Variants in LTBP1 observed in about 807,000 individuals in gnomAD.
LTBP1 encodes latent transforming growth factor beta binding protein 1, also known as latent-transforming growth factor beta-binding protein 1.
Under a neutral mutation model 207.6 loss-of-function variants are expected in LTBP1, and 129 were observed. That is an observed-to-expected ratio of 0.62 (90% CI 0.54 to 0.72). The LOEUF (loss-of-function observed/expected upper bound fraction) is 0.72, where lower values mean the gene tolerates loss of function less well. Among genes scored for constraint, LTBP1 ranks in the 30% least tolerant of loss-of-function variants. The pLI is 0.00. For synonymous variants in LTBP1, 963 were observed against 833.7 expected (o/e 1.16, Z -2.67); for missense variants, 2,281 against 2,217.2 (o/e 1.03, Z -0.58).
intron 4 of LTBP1, among the ~76,000 whole-genome samples, chr2:33,113,415 G>A (rs1020157612): frequency 6.6e-6 from 1 of 152,136 alleles, no homozygotes; most frequent in African/African-American, 2.4e-5. Context: ...TGGAGGTGAT[G>A]GATTTAGTAG....
intron 18 of LTBP1, among the ~76,000 whole-genome samples, chr2:33,277,756 T>TTCCC: frequency 7.0e-6 from 1 of 142,480 alleles, no homozygotes; most frequent in Non-Finnish European, 1.6e-5. Context: ...CTGATTTTTT[T>TTCCC]TTCCCTTTCT....
chr2:33,299,338 G>A (rs1280907996), intron 20 of LTBP1, among the ~76,000 whole-genome samples: 1 of 151,970 alleles, frequency 6.6e-6, no homozygotes, highest in Non-Finnish European at 1.5e-5. Flanking sequence ...TTTCCTGGCA[G>A]ACACTTTTAG....
chr2:33,263,037 G>T (rs968573506), intron 14 of LTBP1, among the ~76,000 whole-genome samples: 11 of 151,534 alleles, frequency 7.3e-5, no homozygotes, highest in Non-Finnish European at 1.3e-4. Flanking sequence ...TGTTTTCTGT[G>T]ATCAGGAGTA....
intron 3 of LTBP1, among the ~76,000 whole-genome samples, chr2:33,060,482 A>G (rs1424041738): frequency 6.6e-6 from 1 of 150,588 alleles, no homozygotes; most frequent in Non-Finnish European, 1.5e-5. Flanking sequence ...TTAGGTTTGT[A>G]TCTTAATTTG....
intron 7 of LTBP1, among the ~76,000 whole-genome samples, chr2:33,213,703 T>G (rs1457096569): frequency 1.3e-5 from 2 of 152,234 alleles, no homozygotes; most frequent in Non-Finnish European, 2.9e-5. Flanking sequence ...TCGAAGCCTC[T>G]TCATAGTTAA....
chr2:33,181,652 A>T (rs917748386), intron 5 of LTBP1, among the ~76,000 whole-genome samples: 3 of 152,258 alleles, frequency 2.0e-5, no homozygotes, highest in Non-Finnish European at 4.4e-5. Flanking sequence ...CAAAGTATCA[A>T]GCTAACAAGG....
intron 13 of LTBP1, among the ~76,000 whole-genome samples, chr2:33,261,001 C>G (rs990361658): frequency 1.3e-5 from 2 of 152,058 alleles, no homozygotes; most frequent in African/African-American, 4.8e-5. Context: ...AAAAAAGTCT[C>G]ATGATGTTAT....
chr2:33,397,087 AG>A, intron 32 of LTBP1, 45 bp from the exon 33 acceptor site: 1 of 1,576,600 alleles, frequency 6.3e-7, no homozygotes, highest in Non-Finnish European at 8.7e-7. Flanking sequence ...AAAATGATAT[AG>A]GAAGTTGAGA....
rs1283001365 is a variant in LTBP1 at position 32,947,302 on chromosome 2, G to A, written c.-23G>A. ...GGAGGGGGCCGGACCGCGCGCGACC[G>A]GTCGCGCCCGCTGGGGCCCGCGATG... On this transcript the variant is annotated 5_prime_UTR_variant, in exon 1 of 34. Coordinates refer to ENST00000404816, the MANE Select transcript of LTBP1 (RefSeq NM_206943.4). 5.0e-6 allele frequency: 6 copies of A among 1,210,178 alleles called. No homozygotes were observed. Among genetic ancestry groups the A allele is most frequent in the Non-Finnish European group, 5.1e-6 (5 of 973,496 alleles). 75.0% of individuals were successfully genotyped at this position (1,210,178 alleles called of 1,614,324 possible).
chr2:32,984,242 A>T (rs921941044), intron 2 of LTBP1, among the ~76,000 whole-genome samples: 4 of 152,204 alleles, frequency 2.6e-5, no homozygotes, highest in African/African-American at 9.7e-5. Context: ...GCTAGTGATC[A>T]TCTCATTCGA....
At chr2:33,090,613 T>A (rs935923569) in intron 3 of LTBP1, among the ~76,000 whole-genome samples, 1 of 152,170 alleles carries the variant, frequency 6.6e-6, no homozygotes, top group African/African-American at 2.4e-5. Flanking sequence ...TTGGAAAGTT[T>A]AAGTGATTTG....
chr2:33,276,033 C>A, intron 18 of LTBP1, 110 bp downstream of exon 18: 2 of 1,350,140 alleles, frequency 1.5e-6, no homozygotes, highest in Non-Finnish European at 2.0e-6. Flanking sequence ...ACCAGTTTAT[C>A]CAAGCTCTTT....
In LTBP1 at chr2:33,324,836, G is replaced by C. The variant is rs527756152; in HGVS notation, c.3730+9567G>C. ...CCTGCCTCACCCTCCTGAGTAGCTGGGACTACAGGCATGTGCCACCACACC... is the reference window on the plus strand; with the variant it reads ...CCTGCCTCACCCTCCTGAGTAGCTGCGACTACAGGCATGTGCCACCACACC... On this transcript the variant is annotated intron_variant, in intron 24 of 33. Coordinates refer to ENST00000404816, the MANE Select transcript of LTBP1 (RefSeq NM_206943.4). 6.6e-5 allele frequency among the ~76,000 whole-genome samples: 10 copies of C among 151,442 alleles called. No homozygotes were observed. In the South Asian group the frequency reaches 2.1e-3, roughly 32 times the overall value.
At chr2:33,156,606 A>T (rs774683902) in intron 5 of LTBP1, among the ~76,000 whole-genome samples, 1 of 152,212 alleles carries the variant, frequency 6.6e-6, no homozygotes, top group Non-Finnish European at 1.5e-5. Flanking sequence ...ATGTCCATAT[A>T]TAAGTATTAT....
At chr2:33,289,405 G>T (rs2093730191) in intron 19 of LTBP1, among the ~76,000 whole-genome samples, 1 of 151,982 alleles carries the variant, frequency 6.6e-6, no homozygotes, top group Non-Finnish European at 1.5e-5. Context: ...TCTTGTCCAG[G>T]CTGGAGTACA....
chr2:33,090,643 G>T (rs1050894073), intron 3 of LTBP1, among the ~76,000 whole-genome samples: 2 of 152,126 alleles, frequency 1.3e-5, no homozygotes, highest in Non-Finnish European at 2.9e-5. Flanking sequence ...GTGTAACTAG[G>T]GGGTAGGGAG....
At chr2:32,959,320 G>A (rs1016793422) in intron 2 of LTBP1, among the ~76,000 whole-genome samples, 4 of 151,960 alleles carry the variant, frequency 2.6e-5, no homozygotes, top group East Asian at 1.9e-4. Context: ...GCGACTCTTC[G>A]GAGGGATTTA....
At chr2:33,200,175 C>G (rs2089054113) in intron 7 of LTBP1, among the ~76,000 whole-genome samples, 1 of 152,154 alleles carries the variant, frequency 6.6e-6, no homozygotes, top group South Asian at 2.1e-4. Context: ...CAAGTCAATC[C>G]TAAGCCAAAA....
At chr2:32,988,438 T>G (rs1178497481) in intron 2 of LTBP1, among the ~76,000 whole-genome samples, 1 of 152,122 alleles carries the variant, frequency 6.6e-6, no homozygotes, top group African/African-American at 2.4e-5. Flanking sequence ...TAAAGAGCCA[T>G]AGGAACCCTA....
Sources: allele counts gnomAD v4.1 joint callset (sites outside exome capture counted in the v4.1 genomes callset), GRCh38; gene constraint gnomAD v4.1.1; transcripts MANE v1.5; gene names NCBI Gene and HGNC (gene_info 2026-07-23, HGNC 2026-07-21).